WDR27: variants seen among roughly 807,000 people sequenced by gnomAD.
WDR27 encodes the protein WD repeat domain 27, also known as WD repeat-containing protein 27.
In WDR27, 100 loss-of-function variants were observed where a neutral mutation model predicts 114.4. The observed-to-expected ratio is 0.87, with a 90% CI of 0.74 to 1.03. The LOEUF (loss-of-function observed/expected upper bound fraction) is 1.03, where lower values mean the gene tolerates loss of function less well. Ranked by LOEUF, WDR27 falls within the 50% of genes least tolerant of loss-of-function variation. WDR27 has a pLI of 0.00. For synonymous variants in WDR27, 449 were observed against 423.1 expected (o/e 1.06, Z -0.75); for missense variants, 1,129 against 1,092.9 (o/e 1.03, Z -0.47).
At chr6:169,498,259 T>G (rs1790662705) in intron 25 of WDR27, among the ~76,000 whole-genome samples, 1 of 152,098 alleles carries the variant, frequency 6.6e-6, no homozygotes, top group Admixed American at 6.6e-5. Context: ...CTGTATTCTA[T>G]TCTGGAGTGG....
chr6:169,562,310 C>T (rs1799784936), intron 25 of WDR27, among the ~76,000 whole-genome samples: 1 of 152,134 alleles, frequency 6.6e-6, no homozygotes, highest in Non-Finnish European at 1.5e-5. Flanking sequence ...TTCCTCTATC[C>T]ATGTGGTATT....
In WDR27 at chr6:169,664,238, G is replaced by T. The variant is rs190339321; in HGVS notation, c.832C>A (p.Arg278=). The T allele has an allele frequency of 5.0e-6, 8 of 1,613,734 alleles. No homozygotes were observed. The Admixed American group carries it at 5.0e-5, about 10-fold the overall frequency. ...MDGHHYRRVA[R]VDLRKKTETF... is the part of the protein sequence containing the mutation. ...TCTGTCTTCTTCCTTAGGTCAACCCGTGCCACACGACGATAATGGTGTCCA... is the reference window on the plus strand; with the variant it reads ...TCTGTCTTCTTCCTTAGGTCAACCCTTGCCACACGACGATAATGGTGTCCA... The change falls in exon 8 of 26, where the codon CGG becomes AGG. Residue 278 remains arginine (R), a synonymous_variant. Transcript: ENST00000448612.
At chr6:169,582,447 TCTTA>T (rs1803649655) in intron 24 of WDR27, among the ~76,000 whole-genome samples, 1 of 152,152 alleles carries the variant, frequency 6.6e-6, no homozygotes, top group Non-Finnish European at 1.5e-5. Context: ...AAAATCCCGT[TCTTA>T]CTTGCTCTGC....
At chr6:169,530,686 C>T (rs1047304400) in intron 25 of WDR27, among the ~76,000 whole-genome samples, 18 of 152,198 alleles carry the variant, frequency 1.2e-4, no homozygotes, top group African/African-American at 4.3e-4. Context: ...CGCCCAGCAG[C>T]AGCTCAGCCT....
rs1286300041 is a variant in WDR27 at position 169,529,315 on chromosome 6, G to C, written c.2645+43104C>G. Reference sequence around the variant, plus strand: ...ACGTTAACGGTGGTGACCTCTGCGGGGGGGGGGGGCAGCTAATGCTAATAA... The same window carrying C: ...ACGTTAACGGTGGTGACCTCTGCGGCGGGGGGGGGCAGCTAATGCTAATAA... On this transcript the variant is annotated intron_variant, in intron 25 of 25. Transcript: ENST00000448612. Among the ~76,000 whole-genome samples the C allele has an allele frequency of 7.4e-5, 7 of 94,824 alleles. No homozygotes were observed. In the East Asian group the frequency reaches 1.2e-3, roughly 16 times the overall value. The allele number at this position is 94,824 out of a possible 152,430, so 62.2% of individuals were successfully genotyped here. A position where few individuals can be genotyped will look rare whatever the true frequency, so the allele number is the denominator to read the frequency against.
intron 25 of WDR27, among the ~76,000 whole-genome samples, chr6:169,524,268 T>C (rs568307227): frequency 6.6e-6 from 1 of 152,162 alleles, no homozygotes; most frequent in South Asian, 2.1e-4. Flanking sequence ...AAAACAATGA[T>C]GAAAGAAACC....
At chr6:169,578,202 G>A (rs760550255) in intron 24 of WDR27, among the ~76,000 whole-genome samples, 7 of 152,214 alleles carry the variant, frequency 4.6e-5, no homozygotes, top group Non-Finnish European at 7.3e-5. Context: ...AGTGTGACAT[G>A]GTCCTGGAAT....
At chr6:169,668,313 T>A in intron 4 of WDR27, 128 bp from the exon 5 acceptor site, 1 of 905,290 alleles carries the variant, frequency 1.1e-6, no homozygotes, top group Non-Finnish European at 1.7e-6. Context: ...TCAGCAGTGT[T>A]AAAAGCCGAC....
intron 25 of WDR27, among the ~76,000 whole-genome samples, chr6:169,518,886 A>C (rs2128060918): frequency 6.6e-6 from 1 of 152,348 alleles, no homozygotes; most frequent in East Asian, 1.9e-4. Flanking sequence ...ATCTGACCAA[A>C]GCCTGTTAGA....
At chr6:169,691,249 G>A (rs1363714707) in intron 1 of WDR27, among the ~76,000 whole-genome samples, 2 of 151,994 alleles carry the variant, frequency 1.3e-5, no homozygotes, top group Admixed American at 6.6e-5. Flanking sequence ...TTAAAAAAAC[G>A]TAATTTTTAA....
chr6:169,678,725 A>G (rs1365961291), intron 2 of WDR27, among the ~76,000 whole-genome samples: 2 of 152,208 alleles, frequency 1.3e-5, no homozygotes, highest in Non-Finnish European at 2.9e-5. Flanking sequence ...TGACTTTCCA[A>G]TCTGACTCTG....
Position 169,659,192 on chromosome 6 carries a change from C to T in WDR27, c.1213G>A (p.Ala405Thr), listed in dbSNP as rs752153199. 2 of 1,605,816 alleles carry T rather than the reference C, an allele frequency of 1.2e-6. No individual in the cohort carries two copies. The highest frequency in any genetic ancestry group is 2.2e-5 in the South Asian group (2 of 89,968). ...TADQKVLCLL[A>T]SLFGGKIAVL... ...GCAATCTTCCCGCCAAAGAGGGAGG[C>T]CAGCAAGCACAGCACCTGCAGGGAC... Residue 405 changes from alanine (A) to threonine (T), a missense_variant, in exon 12 of 26, where the codon GCC (alanine) becomes ACC (threonine). By Grantham distance (58) the Ala-to-Thr change is moderately conservative. Coordinates refer to ENST00000448612, the MANE Select transcript of WDR27 (RefSeq NM_182552.5). The surrounding 1 kb of genome is among the most constrained non-coding windows in gnomAD (Gnocchi z 4.3).
At position 169,466,421 on chromosome 6, in the gene WDR27, C is replaced by T. The variant is rs146725757; in HGVS notation, c.2646-8787G>A. On this transcript the variant is annotated intron_variant, in intron 25 of 25. Coordinates refer to ENST00000448612, the MANE Select transcript of WDR27 (RefSeq NM_182552.5). ...GGGGAAGCAAACACGTCCTTCTTCA[C>T]ATGTCAGCAAAAAGGAGAAGTACTG... Among the ~76,000 whole-genome samples, 427 of 152,302 alleles carry T rather than the reference C, an allele frequency of 2.8e-3. 1 individual carries two copies. Among genetic ancestry groups the T allele is most frequent in the African/African-American group, 9.6e-3 (401 of 41,568 alleles).
In WDR27 at chr6:169,582,824, G is replaced by A. The variant is rs750520237; in HGVS notation, c.2523+12C>T. 6.2e-6 allele frequency: 10 copies of A among 1,609,398 alleles called. No individual in the cohort carries two copies. The highest frequency in any genetic ancestry group is 4.3e-6 in the Non-Finnish European group (5 of 1,176,310). On this transcript the variant is annotated intron_variant, in intron 24 of 25. Coordinates refer to ENST00000448612, the MANE Select transcript of WDR27 (RefSeq NM_182552.5). The stretch of plus-strand genomic sequence containing the variant: ...GCAGCAGAGGCGCCCCACCCACTCA[G>A]CAAGACTGTACCTGGGGCGCTGATG...
At chr6:169,518,350 C>T (rs1793938896) in intron 25 of WDR27, among the ~76,000 whole-genome samples, 1 of 152,288 alleles carries the variant, frequency 6.6e-6, no homozygotes, top group Admixed American at 6.5e-5. Flanking sequence ...CAGGCTTCTG[C>T]CTGGCATCCA....
At chr6:169,575,298 C>G (rs1217817413) in intron 24 of WDR27, among the ~76,000 whole-genome samples, 1 of 96,078 alleles carries the variant, frequency 1.0e-5, no homozygotes, top group East Asian at 4.4e-4. Flanking sequence ...CCCTCCCTCT[C>G]TCCATCCATC....
chr6:169,465,278 A>G (rs866360838), intron 25 of WDR27, among the ~76,000 whole-genome samples: 60 of 148,622 alleles, frequency 4.0e-4, no homozygotes, highest in Middle Eastern at 3.4e-3. Flanking sequence ...AAAAAAAAAA[A>G]AAAGAAATAA....
chr6:169,446,217 A>G, the WDR27 span, among the ~76,000 whole-genome samples: 3 of 152,190 alleles, frequency 2.0e-5, no homozygotes, highest in African/African-American at 7.2e-5. Flanking sequence ...CATGACCCAC[A>G]GGCTTGTCTT....
chr6:169,505,949 C>A (rs1791951820), intron 25 of WDR27, among the ~76,000 whole-genome samples: 2 of 152,210 alleles, frequency 1.3e-5, no homozygotes, highest in Non-Finnish European at 2.9e-5. Context: ...CCCACATGCA[C>A]CACTTCAGTC....
Sources: gnomAD v4.1 joint callset for allele counts (sites outside exome capture counted in the v4.1 genomes callset) on GRCh38, gnomAD v4.1.1 for gene constraint, Gnocchi (gnomAD v3.1) non-coding constraint, MANE v1.5 for transcripts, NCBI Gene and HGNC (gene_info 2026-07-23, HGNC 2026-07-21) for gene names.